Variants in TFDP2 observed in about 807,000 individuals in gnomAD.
TFDP2 encodes the protein transcription factor Dp-2.
Under a neutral mutation model 59.3 loss-of-function variants are expected in TFDP2, and 17 were observed. The observed-to-expected ratio is 0.29, with a 90% CI of 0.20 to 0.43. The LOEUF (loss-of-function observed/expected upper bound fraction) is 0.43. Among genes scored for constraint, TFDP2 ranks in the 20% least tolerant of loss-of-function variants. TFDP2 has a pLI of 1.00. For missense variants in TFDP2, 391 were observed against 528.8 expected (o/e 0.74, Z 2.56); for synonymous variants, 180 against 194.7 (o/e 0.92, Z 0.63).
chr3:141,977,091 T>TAGATAGATAGATAGATAG (rs1553763125), intron 7 of TFDP2, among the ~76,000 whole-genome samples: 5 of 102,236 alleles, frequency 4.9e-5, no homozygotes, highest in East Asian at 2.3e-4. Flanking sequence ...GTCATAGCCA[T>TAGATAGATAGATAGATAG]ATATATATAT....
intron 8 of TFDP2, among the ~76,000 whole-genome samples, chr3:141,970,552 G>C (rs567097170): frequency 6.6e-6 from 1 of 152,130 alleles, no homozygotes; most frequent in African/African-American, 2.4e-5. Context: ...ACTTTGCATC[G>C]AAGGGAACGG....
chr3:142,057,051 G>T (rs1349815468), intron 3 of TFDP2, among the ~76,000 whole-genome samples: 1 of 152,186 alleles, frequency 6.6e-6, no homozygotes, highest in Non-Finnish European at 1.5e-5. Context: ...TGTTTCTTAT[G>T]AACAGGCCTA....
intron 3 of TFDP2, among the ~76,000 whole-genome samples, chr3:142,089,245 A>C (rs2060919482): frequency 6.6e-6 from 1 of 152,072 alleles, no homozygotes; most frequent in Non-Finnish European, 1.5e-5. Flanking sequence ...AAAAAAAAAA[A>C]CATAAAGAAC....
At chr3:142,143,941 T>G (rs560881631) in intron 1 of TFDP2, among the ~76,000 whole-genome samples, 2 of 152,358 alleles carry the variant, frequency 1.3e-5, no homozygotes, top group African/African-American at 4.8e-5. Context: ...ATTGAAGAGA[T>G]ATCTGCATTC....
At chr3:141,953,899 G>A (rs574079253) in intron 11 of TFDP2, among the ~76,000 whole-genome samples, 3 of 151,414 alleles carry the variant, frequency 2.0e-5, no homozygotes, top group Admixed American at 6.6e-5. Flanking sequence ...GGCTGAGCAC[G>A]GTGGCTCACG....
chr3:142,052,118 A>G (rs1217898545), intron 3 of TFDP2, among the ~76,000 whole-genome samples: 1 of 152,168 alleles, frequency 6.6e-6, no homozygotes, highest in Non-Finnish European at 1.5e-5. Context: ...CTGTCTTGGA[A>G]AAACACAAAA....
intron 5 of TFDP2, chr3:141,994,149 T>C (rs962168196): frequency 6.6e-6 from 1 of 152,300 alleles, no homozygotes; most frequent in African/African-American, 2.4e-5. Context: ...AAAACTCTTC[T>C]GTCTTTAATG....
intron 1 of TFDP2, among the ~76,000 whole-genome samples, chr3:142,119,412 C>T (rs1314876947): frequency 1.3e-5 from 2 of 152,062 alleles, no homozygotes; most frequent in Non-Finnish European, 2.9e-5. Flanking sequence ...AACAGTAGAA[C>T]AGCACTTTCA....
At chr3:142,054,570 A>G (rs1241423479) in intron 3 of TFDP2, among the ~76,000 whole-genome samples, 1 of 152,198 alleles carries the variant, frequency 6.6e-6, no homozygotes, top group Non-Finnish European at 1.5e-5. Context: ...GCACTTCATA[A>G]TATTAACACC....
intron 7 of TFDP2, among the ~76,000 whole-genome samples, chr3:141,978,156 C>A (rs1347395586): frequency 2.6e-5 from 4 of 151,738 alleles, no homozygotes; most frequent in Admixed American, 2.0e-4. Context: ...ACCAGCCTGG[C>A]CAACATGGTG....
chr3:142,045,779 A>AT (rs1156699327), intron 3 of TFDP2, among the ~76,000 whole-genome samples: 1 of 150,544 alleles, frequency 6.6e-6, no homozygotes, highest in Admixed American at 6.6e-5. Context: ...TGCCTGGCTA[A>AT]TTTTTGTACT....
At chr3:142,020,135 C>T (rs1202046782) in intron 3 of TFDP2, among the ~76,000 whole-genome samples, 1 of 152,136 alleles carries the variant, frequency 6.6e-6, no homozygotes, top group Non-Finnish European at 1.5e-5. Context: ...GACTGTATTT[C>T]TAATTTTAGC....
At chr3:142,087,823 G>C (rs1449907160) in intron 3 of TFDP2, among the ~76,000 whole-genome samples, 2 of 152,120 alleles carry the variant, frequency 1.3e-5, no homozygotes, top group Non-Finnish European at 2.9e-5. Context: ...TTTCTTTACT[G>C]ATTCATTAAG....
At chr3:142,076,336 A>T (rs1428754268) in intron 3 of TFDP2, among the ~76,000 whole-genome samples, 1 of 152,240 alleles carries the variant, frequency 6.6e-6, no homozygotes, top group Non-Finnish European at 1.5e-5. Context: ...GTAATTCAGA[A>T]AGATATTTGC....
intron 3 of TFDP2, among the ~76,000 whole-genome samples, chr3:142,021,303 AAAGAT>A (rs1236932662): frequency 6.6e-6 from 1 of 152,194 alleles, no homozygotes; most frequent in African/African-American, 2.4e-5. Context: ...CCCATTGTGC[AAAGAT>A]AAGGACAGAA....
At chr3:142,071,511 C>T (rs1179506600) in intron 3 of TFDP2, among the ~76,000 whole-genome samples, 2 of 152,116 alleles carry the variant, frequency 1.3e-5, no homozygotes, top group East Asian at 3.9e-4. Flanking sequence ...CAATAAGGAA[C>T]TATTAAAATG....
intron 3 of TFDP2, among the ~76,000 whole-genome samples, chr3:142,058,383 T>C (rs1291209561): frequency 6.6e-6 from 1 of 151,568 alleles, no homozygotes; most frequent in Non-Finnish European, 1.5e-5. Flanking sequence ...CAATTAGGTG[T>C]CTAACAATTC....
intron 6 of TFDP2, among the ~76,000 whole-genome samples, chr3:141,984,522 T>C (rs974186415): frequency 4.6e-5 from 7 of 152,084 alleles, no homozygotes; most frequent in Non-Finnish European, 1.0e-4. Flanking sequence ...TATTGTATGA[T>C]TCCACTTATA....
At chr3:141,986,310 A>T (rs775125271) in intron 6 of TFDP2, among the ~76,000 whole-genome samples, 1 of 152,244 alleles carries the variant, frequency 6.6e-6, no homozygotes, top group Non-Finnish European at 1.5e-5. Context: ...ACATAAAGAA[A>T]AGTACGCAAA....
Sources: gnomAD v4.1 joint callset for allele counts (sites outside exome capture counted in the v4.1 genomes callset) on GRCh38, gnomAD v4.1.1 for gene constraint, MANE v1.5 for transcripts, NCBI Gene and HGNC (gene_info 2026-07-23, HGNC 2026-07-21) for gene names.